HTR1E: variants seen among roughly 807,000 people sequenced by gnomAD.
HTR1E encodes the protein 5-hydroxytryptamine receptor 1E, also known as 5-HT-1E.
Under a neutral mutation model 3.4 loss-of-function variants are expected in HTR1E, and 3 were observed. That is an observed-to-expected ratio of 0.89 (90% CI 0.41 to 2.31). The LOEUF is 2.31. Among genes scored for constraint, HTR1E ranks in the 30% most tolerant of loss-of-function variants. The pLI, the probability that HTR1E is intolerant of heterozygous loss-of-function variation, is 0.05. For synonymous variants in HTR1E, 170 were observed against 182.8 expected (o/e 0.93, Z 0.56); for missense variants, 392 against 467.0 (o/e 0.84, Z 1.48).
At chr6:86,949,879 A>G (rs1767202736) in intron 1 of HTR1E, among the ~76,000 whole-genome samples, 1 of 152,110 alleles carries the variant, frequency 6.6e-6, no homozygotes, top group African/African-American at 2.4e-5. Context: ...CTCTTTGCAG[A>G]ATGCTTGAAT....
intron 1 of HTR1E, among the ~76,000 whole-genome samples, chr6:86,986,676 C>A (rs567621929): frequency 1.3e-5 from 2 of 152,118 alleles, no homozygotes; most frequent in Non-Finnish European, 2.9e-5. Flanking sequence ...ATCTGAAGTA[C>A]CTCACTTGTA....
At chr6:86,965,783 C>T (rs755603771) in intron 1 of HTR1E, among the ~76,000 whole-genome samples, 1 of 151,892 alleles carries the variant, frequency 6.6e-6, no homozygotes, top group Non-Finnish European at 1.5e-5. Flanking sequence ...CGTCCTCACT[C>T]ATAAGTGGAA....
chr6:86,992,454 G>A (rs566801236), intron 1 of HTR1E, among the ~76,000 whole-genome samples: 1 of 152,240 alleles, frequency 6.6e-6, no homozygotes, highest in Admixed American at 6.5e-5. Context: ...AAAGAACGAC[G>A]TGAACTGGAC....
At chr6:86,958,492 T>C (rs1432060081) in intron 1 of HTR1E, among the ~76,000 whole-genome samples, 1 of 152,126 alleles carries the variant, frequency 6.6e-6, no homozygotes, top group Non-Finnish European at 1.5e-5. Context: ...TTAATAAGTA[T>C]CTGTTGGCCT....
At position 86,937,745 on chromosome 6, in the gene HTR1E, G is replaced by A; in HGVS notation, c.-264G>A. 1 of 153,046 alleles carries A rather than the reference G, an allele frequency of 6.5e-6. No homozygotes were observed. The highest frequency in any genetic ancestry group is 1.5e-5 in the Non-Finnish European group (1 of 68,250). 9.5% of individuals were successfully genotyped at this position (153,046 alleles called of 1,614,324 possible). A position where few individuals can be genotyped will look rare whatever the true frequency, so the allele number is the denominator to read the frequency against. ...ATCCAGCTCAGGAGAAAAAGGAGCGGGTTCCGAGTGAGACTTCTGGAGCCA... is the reference window on the plus strand; with the variant it reads ...ATCCAGCTCAGGAGAAAAAGGAGCGAGTTCCGAGTGAGACTTCTGGAGCCA... On this transcript the variant is annotated 5_prime_UTR_variant, in exon 1 of 2. Transcript: ENST00000305344.
intron 1 of HTR1E, among the ~76,000 whole-genome samples, chr6:86,965,169 G>A (rs1186113650): frequency 6.6e-6 from 1 of 152,144 alleles, no homozygotes; most frequent in Non-Finnish European, 1.5e-5. Context: ...CCACCTGAGG[G>A]GCTCCTCCGT....
chr6:86,980,870 C>A (rs1767702373), intron 1 of HTR1E, among the ~76,000 whole-genome samples: 1 of 152,144 alleles, frequency 6.6e-6, no homozygotes, highest in Non-Finnish European at 1.5e-5. Flanking sequence ...TGAACCTAAA[C>A]TGTGTCCAGG....
chr6:86,997,246 T>C (rs1262033795), intron 1 of HTR1E, among the ~76,000 whole-genome samples: 1 of 151,970 alleles, frequency 6.6e-6, no homozygotes, highest in Non-Finnish European at 1.5e-5. Context: ...TGATTCTTAA[T>C]AGAGAATAAC....
chr6:87,002,669 A>C (rs1768042736), intron 1 of HTR1E, among the ~76,000 whole-genome samples: 1 of 152,112 alleles, frequency 6.6e-6, no homozygotes. Flanking sequence ...GCATTTTTAC[A>C]GAGTGCTGAT....
intron 1 of HTR1E, among the ~76,000 whole-genome samples, chr6:86,980,393 A>AAAAAAAAAAG (rs781271747): frequency 1.1e-3 from 162 of 149,770 alleles, no homozygotes; most frequent in South Asian, 4.2e-3. Context: ...TCTCAAAAAA[A>AAAAAAAAAAG]AAAAAAAGAA....
intron 1 of HTR1E, among the ~76,000 whole-genome samples, chr6:87,009,045 A>G (rs1170748902): frequency 6.7e-6 from 1 of 148,442 alleles, no homozygotes; most frequent in Non-Finnish European, 1.5e-5. Context: ...TATACGCCAC[A>G]CTTCTTTTTA....
intron 1 of HTR1E, among the ~76,000 whole-genome samples, chr6:86,940,916 G>A (rs1179200181): frequency 6.6e-6 from 1 of 152,176 alleles, no homozygotes; most frequent in Admixed American, 6.5e-5. Context: ...CATGCTTTAT[G>A]CTCCTTTCTT....
intron 1 of HTR1E, among the ~76,000 whole-genome samples, chr6:87,004,093 T>C (rs1243216437): frequency 6.6e-6 from 1 of 152,072 alleles, no homozygotes; most frequent in Non-Finnish European, 1.5e-5. Flanking sequence ...TAATAACAAG[T>C]AATGAGATAA....
chr6:87,015,849 A>C lies in HTR1E; in HGVS notation c.515A>C (p.Gln172Pro). The C allele has an allele frequency of 6.2e-7, 1 of 1,612,202 alleles. No individual in the cohort carries two copies. The highest frequency in any genetic ancestry group is 8.5e-7 in the Non-Finnish European group (1 of 1,179,332). Reference sequence around the variant, plus strand: ...CGCCGCCTAAGCCCTCCCCCTAGTCAGTGCACCATCCAGCACGACCATGTT... The same window carrying C: ...CGCCGCCTAAGCCCTCCCCCTAGTCCGTGCACCATCCAGCACGACCATGTT... Reference protein sequence around the residue: ...SHRRLSPPPSQCTIQHDHVIY... With the variant: ...SHRRLSPPPSPCTIQHDHVIY... The change falls in exon 2 of 2, where the codon CAG (glutamine) becomes CCG (proline). Residue 172 changes from glutamine (Q) to proline (P), a missense_variant. Gln to Pro is a moderately conservative substitution (Grantham distance 76, BLOSUM62 -1). This residue lies in a region of HTR1E where 189 missense variants were observed against 258.0 expected (regional missense o/e 0.73). Coordinates refer to ENST00000305344, the MANE Select transcript of HTR1E (RefSeq NM_000865.3).
chr6:86,976,658 C>G (rs1029961839), intron 1 of HTR1E, among the ~76,000 whole-genome samples: 3 of 152,202 alleles, frequency 2.0e-5, no homozygotes, highest in African/African-American at 7.2e-5. Flanking sequence ...GCACTATTAG[C>G]ATCACATCTG....
chr6:86,969,389 T>TAA (rs1767517222), intron 1 of HTR1E, among the ~76,000 whole-genome samples: 1 of 146,310 alleles, frequency 6.8e-6, no homozygotes, highest in East Asian at 2.2e-4. Flanking sequence ...ACTGCCCTCC[T>TAA]GATAAAGTTC....
Position 86,949,051 on chromosome 6 carries a change from T to A in HTR1E, c.-186+11228T>A, listed in dbSNP as rs922918618. Among the ~76,000 whole-genome samples the A allele has an allele frequency of 4.6e-5, 7 of 152,326 alleles. No individual in the cohort carries two copies. In the East Asian group the frequency reaches 1.4e-3, roughly 29 times the overall value. On this transcript the variant is annotated intron_variant, in intron 1 of 1. Transcript: ENST00000305344. ...AAAGTCTCCTTCTCACTTATGCCAA[T>A]TTAAGAAGATTTCTGTCATTTGTCT...
intron 1 of HTR1E, among the ~76,000 whole-genome samples, chr6:87,000,539 T>G (rs909622912): frequency 1.3e-4 from 20 of 152,046 alleles, no homozygotes; most frequent in Non-Finnish European, 2.1e-4. Context: ...AGCTCCAATA[T>G]CTCCAGCAGC....
At chr6:86,995,688 G>GAAAAAAAAAAAAAAAAAAAAAAAT (rs58476122) in intron 1 of HTR1E, among the ~76,000 whole-genome samples, 1 of 55,206 alleles carries the variant, frequency 1.8e-5, no homozygotes, top group Non-Finnish European at 3.8e-5. Context: ...AAAAAAAAAA[G>GAAAAAAAAAAAAAAAAAAAAAAAT]AAAAAAAAAA....
Sources: allele counts gnomAD v4.1 joint callset (sites outside exome capture counted in the v4.1 genomes callset), GRCh38; gene constraint gnomAD v4.1.1; regional missense constraint gnomAD v4.1.1; transcripts MANE v1.5; gene names NCBI Gene and HGNC (gene_info 2026-07-23, HGNC 2026-07-21).